ERBB4: variants seen among roughly 807,000 people sequenced by gnomAD.
ERBB4 encodes erb-b2 receptor tyrosine kinase 4.
A neutral mutation model predicts 158.0 loss-of-function variants in ERBB4; 42 were observed. The ratio of observed to expected loss-of-function variants is 0.27; its 90% CI spans 0.21 to 0.34. The LOEUF (loss-of-function observed/expected upper bound fraction) is 0.34, where lower values mean the gene tolerates loss of function less well. Ranked by LOEUF, ERBB4 falls within the 10% of genes least tolerant of loss-of-function variation. The probability of loss-of-function intolerance (pLI) is 1.00; values close to 1 mark genes in which losing one functional copy is unlikely to be tolerated. For missense variants in ERBB4, 1,333 were observed against 1,624.1 expected (o/e 0.82, Z 3.08); for synonymous variants, 583 against 558.7 (o/e 1.04, Z -0.61).
intron 2 of ERBB4, among the ~76,000 whole-genome samples, chr2:212,091,846 A>G (rs1411514073): frequency 6.6e-6 from 1 of 152,196 alleles, no homozygotes; most frequent in Non-Finnish European, 1.5e-5. Flanking sequence ...ATTTTAAAAC[A>G]TATCTTTAAA....
chr2:212,375,639 T>C (rs1375260996), intron 1 of ERBB4, among the ~76,000 whole-genome samples: 1 of 152,066 alleles, frequency 6.6e-6, no homozygotes. Flanking sequence ...AAAAACTTCA[T>C]GGAAAATGAA....
At chr2:211,507,161 A>C (rs1484634086) in intron 20 of ERBB4, among the ~76,000 whole-genome samples, 1 of 152,130 alleles carries the variant, frequency 6.6e-6, no homozygotes, top group Non-Finnish European at 1.5e-5. Context: ...TGAACCAGGA[A>C]GGAAAAGAAA....
chr2:211,756,718 A>G (rs13008293), intron 4 of ERBB4, among the ~76,000 whole-genome samples: 65,314 of 152,002 alleles, frequency 0.43, 14,674 homozygotes, highest in Middle Eastern at 0.55. Flanking sequence ...GCACTTCCAG[A>G]GATTCTGAGG....
chr2:212,300,159 T>A (rs898660705), intron 1 of ERBB4, among the ~76,000 whole-genome samples: 1 of 151,568 alleles, frequency 6.6e-6, no homozygotes, highest in East Asian at 1.9e-4. Context: ...TTCATTACTT[T>A]TGTGGTGTTT....
intron 3 of ERBB4, among the ~76,000 whole-genome samples, chr2:211,815,169 C>T (rs1002611235): frequency 6.6e-6 from 1 of 152,086 alleles, no homozygotes. Flanking sequence ...TACATTTCAA[C>T]GCAAAGCAAT....
At chr2:212,423,170 G>A (rs2091834888) in intron 1 of ERBB4, among the ~76,000 whole-genome samples, 1 of 151,730 alleles carries the variant, frequency 6.6e-6, no homozygotes, top group African/African-American at 2.4e-5. Context: ...GGTAAGTGAA[G>A]GGGGCAAAAA....
At chr2:212,431,424 C>A (rs1167340270) in intron 1 of ERBB4, among the ~76,000 whole-genome samples, 1 of 150,478 alleles carries the variant, frequency 6.6e-6, no homozygotes. Flanking sequence ...AAAACGTATA[C>A]AGAATCTCAT....
At chr2:211,838,238 G>T (rs1385930971) in intron 3 of ERBB4, among the ~76,000 whole-genome samples, 1 of 151,998 alleles carries the variant, frequency 6.6e-6, no homozygotes, top group African/African-American at 2.4e-5. Flanking sequence ...CTGTGAGTGT[G>T]TGTCAGCGGG....
At chr2:211,739,510 C>T (rs1448347865) in intron 5 of ERBB4, among the ~76,000 whole-genome samples, 1 of 152,154 alleles carries the variant, frequency 6.6e-6, no homozygotes, top group African/African-American at 2.4e-5. Context: ...TGTCACCAGG[C>T]TGGAGTGCAG....
At chr2:212,398,121 T>C (rs2091084521) in intron 1 of ERBB4, among the ~76,000 whole-genome samples, 1 of 151,512 alleles carries the variant, frequency 6.6e-6, no homozygotes. Context: ...TGTGTGTGTG[T>C]GTATATATAT....
intron 1 of ERBB4, among the ~76,000 whole-genome samples, chr2:212,289,621 C>G (rs1364159093): frequency 1.3e-5 from 2 of 152,046 alleles, no homozygotes; most frequent in African/African-American, 2.4e-5. Flanking sequence ...TGAAGGAGAA[C>G]AGAAGAATTG....
chr2:211,873,858 TA>T (rs544658509), intron 3 of ERBB4, among the ~76,000 whole-genome samples: 3 of 150,750 alleles, frequency 2.0e-5, no homozygotes, highest in East Asian at 1.9e-4. Flanking sequence ...AATGTGTTCT[TA>T]AAAAAAATAA....
chr2:211,704,508 T>C (rs777992385), intron 10 of ERBB4, among the ~76,000 whole-genome samples: 1 of 152,230 alleles, frequency 6.6e-6, no homozygotes, highest in African/African-American at 2.4e-5. Context: ...TCTTCATCTG[T>C]TCACTTATGA....
At chr2:212,448,497 T>C (rs1254738812) in intron 1 of ERBB4, among the ~76,000 whole-genome samples, 1 of 152,178 alleles carries the variant, frequency 6.6e-6, no homozygotes, top group Non-Finnish European at 1.5e-5. Context: ...CATCCCTCAG[T>C]TGATCCTCAG....
chr2:211,544,233 C>T (rs2066885303), intron 20 of ERBB4, among the ~76,000 whole-genome samples: 2 of 152,036 alleles, frequency 1.3e-5, no homozygotes, highest in Non-Finnish European at 2.9e-5. Context: ...TATTGACATA[C>T]ATAGTCTGTG....
In ERBB4 at chr2:211,707,958, A is replaced by T. The variant is rs540912218; in HGVS notation, c.1125-2567T>A. ...ACATCTCAGCTATTTTAATCAAACCATATGACCTTATCAAAAGCTGGTTAG... is the reference window on the plus strand; with the variant it reads ...ACATCTCAGCTATTTTAATCAAACCTTATGACCTTATCAAAAGCTGGTTAG... On this transcript the variant is annotated intron_variant, in intron 9 of 27. Transcript: ENST00000342788. 1.2e-4 allele frequency among the ~76,000 whole-genome samples: 19 copies of T among 152,292 alleles called. No homozygotes were observed. In the East Asian group the frequency reaches 3.7e-3, roughly 29 times the overall value.
At chr2:211,720,493 G>C (rs1374348533) in intron 7 of ERBB4, among the ~76,000 whole-genome samples, 1 of 152,166 alleles carries the variant, frequency 6.6e-6, no homozygotes, top group Non-Finnish European at 1.5e-5. Flanking sequence ...AATCTCTAAA[G>C]ATTTAACGCC....
intron 1 of ERBB4, among the ~76,000 whole-genome samples, chr2:212,365,504 G>A (rs970599859): frequency 6.6e-6 from 1 of 151,726 alleles, no homozygotes; most frequent in East Asian, 1.9e-4. Flanking sequence ...TGCAAATTCA[G>A]CATTACCAGT....
chr2:211,784,112 A>G (rs1383399697), intron 4 of ERBB4, among the ~76,000 whole-genome samples: 1 of 152,250 alleles, frequency 6.6e-6, no homozygotes, highest in African/African-American at 2.4e-5. Flanking sequence ...TTAAAAAAAG[A>G]GAACATAATA....
Sources: gnomAD v4.1 joint callset for allele counts (sites outside exome capture counted in the v4.1 genomes callset) on GRCh38, gnomAD v4.1.1 for gene constraint, MANE v1.5 for transcripts, NCBI Gene and HGNC (gene_info 2026-07-23, HGNC 2026-07-21) for gene names.